The following MGAT4C variants were observed in gnomAD, a reference collection of about 807,000 sequenced individuals.
MGAT4C encodes the protein alpha-1,3-mannosyl-glycoprotein 4-beta-N-acetylglucosaminyltransferase C.
MGAT4C carries 19 observed loss-of-function variants against 40.1 expected under a neutral mutation model. That is an observed-to-expected ratio of 0.47 (90% confidence interval 0.33 to 0.70). The LOEUF (loss-of-function observed/expected upper bound fraction) is 0.70. Ranked by LOEUF, MGAT4C falls within the 30% of genes least tolerant of loss-of-function variation. The pLI, the probability that MGAT4C is intolerant of heterozygous loss-of-function variation, is 0.02. For missense variants in MGAT4C, 491 were observed against 563.2 expected (o/e 0.87, Z 1.30); for synonymous variants, 181 against 187.1 (o/e 0.97, Z 0.27).
At chr12:86,633,145 A>G (rs896375698) in intron 2 of MGAT4C, among the ~76,000 whole-genome samples, 11 of 152,006 alleles carry the variant, frequency 7.2e-5, no homozygotes, top group Admixed American at 1.3e-4. Context: ...ATACCTTTAA[A>G]ATAACCGATT....
intron 1 of MGAT4C, among the ~76,000 whole-genome samples, chr12:86,760,361 G>C (rs192329717): frequency 6.6e-5 from 10 of 151,968 alleles, no homozygotes; most frequent in Non-Finnish European, 1.0e-4. Context: ...ACTTAGGCAC[G>C]GATTTTTGTT....
intron 2 of MGAT4C, among the ~76,000 whole-genome samples, chr12:86,447,194 C>T (rs921149068): frequency 2.0e-5 from 3 of 152,078 alleles, no homozygotes; most frequent in African/African-American, 4.8e-5. Flanking sequence ...GGTGCAATCT[C>T]GGCTCACCGC....
At chr12:86,585,176 T>C (rs571058067) in intron 2 of MGAT4C, among the ~76,000 whole-genome samples, 1 of 151,562 alleles carries the variant, frequency 6.6e-6, no homozygotes, top group East Asian at 1.9e-4. Flanking sequence ...TTTTATAGCT[T>C]TGTACATAGC....
At chr12:86,684,911 G>C (rs1188417400) in intron 2 of MGAT4C, among the ~76,000 whole-genome samples, 1 of 151,726 alleles carries the variant, frequency 6.6e-6, no homozygotes, top group East Asian at 1.9e-4. Context: ...ATTTGTTTAA[G>C]TTCCTTTTAG....
chr12:86,814,968 G>A lies in MGAT4C; in HGVS notation c.-262+23698C>T, dbSNP rs146559480. Among the ~76,000 whole-genome samples the A allele has an allele frequency of 1.5e-3, 230 of 152,096 alleles. 2 individuals are homozygous for A. The highest frequency in any genetic ancestry group is 5.4e-3 in the African/African-American group (224 of 41,512). Reference sequence around the variant, plus strand: ...CTAAGGTATTTTGTTATAGCATCCTGAGTAAATTAAGAAATCAATTATAAA... The same window carrying A: ...CTAAGGTATTTTGTTATAGCATCCTAAGTAAATTAAGAAATCAATTATAAA... On this transcript the variant is annotated intron_variant, in intron 1 of 7. Coordinates refer to the MGAT4C transcript ENST00000548651.
chr12:86,385,841 G>A (rs1200713272), intron 3 of MGAT4C, among the ~76,000 whole-genome samples: 1 of 152,184 alleles, frequency 6.6e-6, no homozygotes, highest in Non-Finnish European at 1.5e-5. Context: ...TCTTCCAGCT[G>A]TGACTAAGAT....
At chr12:86,176,156 TCTC>T (rs1887409031) in intron 1 of MGAT4C, among the ~76,000 whole-genome samples, 1 of 152,154 alleles carries the variant, frequency 6.6e-6, no homozygotes, top group South Asian at 2.1e-4. Flanking sequence ...CTCCATGACT[TCTC>T]TAGCTTGTTT....
At chr12:86,153,120 G>A (rs1884498702) in intron 1 of MGAT4C, among the ~76,000 whole-genome samples, 1 of 152,000 alleles carries the variant, frequency 6.6e-6, no homozygotes, top group South Asian at 2.1e-4. Context: ...AGTACCAAAG[G>A]GTCACAGCCT....
chr12:86,241,817 C>G (rs756587721), intron 1 of MGAT4C, among the ~76,000 whole-genome samples: 1 of 152,106 alleles, frequency 6.6e-6, no homozygotes, highest in Non-Finnish European at 1.5e-5. Flanking sequence ...TGTCAAAAGG[C>G]CTGGTCTGAC....
intron 2 of MGAT4C, among the ~76,000 whole-genome samples, chr12:86,030,524 G>A (rs569768594): frequency 5.5e-4 from 83 of 151,858 alleles, no homozygotes; most frequent in African/African-American, 2.0e-3. Flanking sequence ...AGGTTTACTA[G>A]TATCAAGCAC....
chr12:86,079,952 T>C (rs1429599078), intron 1 of MGAT4C, among the ~76,000 whole-genome samples: 1 of 151,924 alleles, frequency 6.6e-6, no homozygotes, highest in African/African-American at 2.4e-5. Context: ...CTCTCTCTCT[T>C]TCTCTGTCAC....
At chr12:86,559,868 T>G (rs1959783553) in intron 2 of MGAT4C, among the ~76,000 whole-genome samples, 2 of 151,896 alleles carry the variant, frequency 1.3e-5, no homozygotes, top group South Asian at 4.1e-4. Context: ...TTGTTGTTGT[T>G]GTGTGTGTGT....
intron 3 of MGAT4C, among the ~76,000 whole-genome samples, chr12:86,341,303 C>T (rs1317350234): frequency 6.6e-6 from 1 of 152,160 alleles, no homozygotes; most frequent in Non-Finnish European, 1.5e-5. Context: ...TCCTTGTGAA[C>T]CCACTCCACT....
intron 4 of MGAT4C, among the ~76,000 whole-genome samples, chr12:86,320,814 A>T (rs1436442121): frequency 1.3e-5 from 2 of 152,186 alleles, no homozygotes; most frequent in Non-Finnish European, 2.9e-5. Context: ...GAGTGGTGAC[A>T]AAACCTTTTC....
At chr12:86,104,066 C>T (rs1373086487) in intron 1 of MGAT4C, among the ~76,000 whole-genome samples, 2 of 151,910 alleles carry the variant, frequency 1.3e-5, no homozygotes, top group African/African-American at 4.8e-5. Context: ...TGTCTGGGCA[C>T]TTTATTTTTT....
At chr12:86,382,670 G>T (rs1159124838) in intron 3 of MGAT4C, among the ~76,000 whole-genome samples, 1 of 152,214 alleles carries the variant, frequency 6.6e-6, no homozygotes, top group Non-Finnish European at 1.5e-5. Context: ...CGGGCCCAGG[G>T]TCCCCGTGCT....
chr12:86,274,828 A>C (rs1324117519), intron 4 of MGAT4C, among the ~76,000 whole-genome samples: 1 of 152,238 alleles, frequency 6.6e-6, no homozygotes, highest in East Asian at 1.9e-4. Context: ...AGCAGGCTTG[A>C]AAGTCAATTT....
At chr12:86,225,027 A>G (rs1951023205) in intron 1 of MGAT4C, among the ~76,000 whole-genome samples, 1 of 152,096 alleles carries the variant, frequency 6.6e-6, no homozygotes, top group Non-Finnish European at 1.5e-5. Context: ...GATAAAATTG[A>G]TAAATTACTA....
intron 2 of MGAT4C, among the ~76,000 whole-genome samples, chr12:86,449,602 C>T (rs999569042): frequency 1.3e-5 from 2 of 152,084 alleles, no homozygotes; most frequent in African/African-American, 2.4e-5. Flanking sequence ...TCGGTGGTAA[C>T]GACTCTTCTC....
Sources: gnomAD v4.1 joint callset for allele counts (sites outside exome capture counted in the v4.1 genomes callset) on GRCh38, gnomAD v4.1.1 for gene constraint, MANE v1.5 for transcripts, NCBI Gene and HGNC (gene_info 2026-07-23, HGNC 2026-07-21) for gene names.